Variants in CENPO observed in about 807,000 individuals in gnomAD.
CENPO encodes the protein centromeric protein O.
CENPO carries 30 observed loss-of-function variants against 36.1 expected under a neutral mutation model. The observed-to-expected ratio is 0.83, with a 90% CI of 0.62 to 1.13. CENPO has a LOEUF of 1.13. CENPO is among the 50% of genes most tolerant of loss of function. CENPO has a pLI of 0.00. For synonymous variants in CENPO, 171 were observed against 142.3 expected (o/e 1.20, Z -1.44); for missense variants, 349 against 357.8 (o/e 0.98, Z 0.20).
At position 24,821,505 on chromosome 2, in the gene CENPO, G is replaced by A. The variant is rs138929956; in HGVS notation, c.*2187G>A. 450 of 1,613,394 alleles carry A rather than the reference G, an allele frequency of 2.8e-4. 1 individual carries two copies. The African/African-American group carries it at 5.3e-3, about 19-fold the overall frequency. ...GAGCCTGCTGCGGGGCAGGCCAGCTGGGGGTGCTCACCTATGCGCAGCATG... is the reference window on the plus strand; with the variant it reads ...GAGCCTGCTGCGGGGCAGGCCAGCTAGGGGTGCTCACCTATGCGCAGCATG... On this transcript the variant is annotated 3_prime_UTR_variant, in exon 8 of 8. Coordinates refer to ENST00000380834, the MANE Select transcript of CENPO (RefSeq NM_001322101.2).
chr2:24,809,293 A>G (rs967104148), intron 3 of CENPO, among the ~76,000 whole-genome samples: 1 of 151,688 alleles, frequency 6.6e-6, no homozygotes, highest in African/African-American at 2.4e-5. Flanking sequence ...CAAAGAACCA[A>G]CTTTTGGCTT....
At chr2:24,817,465 C>CAAAAAAAAAAAAAAAAAAA in intron 6 of CENPO, among the ~76,000 whole-genome samples, 1 of 12,354 alleles carries the variant, frequency 8.1e-5, no homozygotes, top group African/African-American at 1.4e-4. Context: ...TTAGTCCAGA[C>CAAAAAAAAAAAAAAAAAAA]CAAAAAAAAA....
intron 6 of CENPO, 23 bp downstream of exon 6, chr2:24,816,840 G>C (rs1360555113): frequency 7.7e-6 from 12 of 1,558,770 alleles, no homozygotes; most frequent in Non-Finnish European, 8.7e-6. Flanking sequence ...CCTCAGTGCA[G>C]AAATTCTCAT....
rs2148722947 is a variant in CENPO at position 24,794,112 on chromosome 2, A to G, written c.46+147A>G. ...GAACTAACATTGAAGACAAAGGGAC[A>G]GGCAGCCAAGATTATTCGAGGAGGA... On this transcript the variant is annotated intron_variant, in intron 2 of 7. Transcript: ENST00000380834. The G allele has an allele frequency of 4.2e-6, 3 of 705,948 alleles. No individual in the cohort carries two copies. In the East Asian group the frequency reaches 8.0e-5, roughly 19 times the overall value. The allele number at this position is 705,948 out of a possible 1,614,324, so 43.7% of individuals were successfully genotyped here.
At chr2:24,817,466 C>CAAAAAAAAAAAA (rs57556645) in intron 6 of CENPO, among the ~76,000 whole-genome samples, 2 of 110,084 alleles carry the variant, frequency 1.8e-5, no homozygotes, top group African/African-American at 8.7e-5. Context: ...TAGTCCAGAC[C>CAAAAAAAAAAAA]AAAAAAAAAA....
In CENPO at chr2:24,820,701, G is replaced by A. The variant is rs780275875; in HGVS notation, c.*1383G>A. The A allele has an allele frequency of 1.2e-6, 2 of 1,613,532 alleles. No individual in the cohort carries two copies. Among genetic ancestry groups the A allele is most frequent in the South Asian group, 2.2e-5 (2 of 91,022 alleles). On this transcript the variant is annotated 3_prime_UTR_variant, in exon 8 of 8. Coordinates refer to ENST00000380834, the MANE Select transcript of CENPO (RefSeq NM_001322101.2). ...GTTCTCATGCCGAGTCTGAGCACGT[G>A]CCAGCTGTGCCACTGGACATACCTG... is the stretch of plus-strand genomic sequence containing the variant.
chr2:24,795,260 T>C (rs1036510975), intron 2 of CENPO, among the ~76,000 whole-genome samples: 2 of 152,208 alleles, frequency 1.3e-5, no homozygotes, highest in African/African-American at 4.8e-5. Flanking sequence ...ATACTGGTTT[T>C]ATCCCTCTGC....
At chr2:24,795,494 C>A (rs182336275) in intron 2 of CENPO, among the ~76,000 whole-genome samples, 1 of 152,210 alleles carries the variant, frequency 6.6e-6, no homozygotes, top group East Asian at 1.9e-4. Flanking sequence ...CAACGCTAAA[C>A]AACAACGCTA....
chr2:24,817,420 G>T (rs1231471099), intron 6 of CENPO, among the ~76,000 whole-genome samples: 1 of 145,978 alleles, frequency 6.9e-6, no homozygotes, highest in Non-Finnish European at 1.5e-5. Flanking sequence ...CCAGTCCCCA[G>T]TCTCTAGATT....
chr2:24,820,164 C>A lies in CENPO; in HGVS notation c.*846C>A. 1 of 1,039,148 alleles carries A rather than the reference C, an allele frequency of 9.6e-7. No individual in the cohort carries two copies. Among genetic ancestry groups the A allele is most frequent in the Non-Finnish European group, 1.3e-6 (1 of 745,462 alleles). The allele number at this position is 1,039,148 out of a possible 1,614,324, so 64.4% of individuals were successfully genotyped here. A position where few individuals can be genotyped will look rare whatever the true frequency, so the allele number is the denominator to read the frequency against. On this transcript the variant is annotated 3_prime_UTR_variant, in exon 8 of 8. Coordinates refer to ENST00000380834, the MANE Select transcript of CENPO (RefSeq NM_001322101.2). ...CGTGGCGTTACGGGGGGAGCCTAGA[C>A]TGAGGGCGGGTGGGGGCTTTGGGTG... is the stretch of plus-strand genomic sequence containing the variant.
chr2:24,815,141 G>C (rs1666879880), intron 4 of CENPO, among the ~76,000 whole-genome samples: 1 of 151,404 alleles, frequency 6.6e-6, no homozygotes, highest in Non-Finnish European at 1.5e-5. Context: ...GGGAGGCTGA[G>C]ATGGGAGGAT....
chr2:24,820,751 C>T lies in CENPO; in HGVS notation c.*1433C>T. Reference sequence around the variant, plus strand: ...GAATGTTGCCCATGACCCCCGTGGACTCCATCCTGCTGGCTACATTGACTG... The same window carrying T: ...GAATGTTGCCCATGACCCCCGTGGATTCCATCCTGCTGGCTACATTGACTG... On this transcript the variant is annotated 3_prime_UTR_variant, in exon 8 of 8. Coordinates refer to ENST00000380834, the MANE Select transcript of CENPO (RefSeq NM_001322101.2). 2 of 1,614,124 alleles carry T rather than the reference C, an allele frequency of 1.2e-6. No homozygotes were observed. Among genetic ancestry groups the T allele is most frequent in the African/African-American group, 1.3e-5 (1 of 75,030 alleles).
intron 3 of CENPO, among the ~76,000 whole-genome samples, chr2:24,813,500 G>A (rs1434372629): frequency 6.6e-6 from 1 of 152,060 alleles, no homozygotes; most frequent in African/African-American, 2.4e-5. Context: ...TCCACATTTT[G>A]TTCTAGCAAA....
At chr2:24,796,279 G>C (rs1191728371) in intron 2 of CENPO, among the ~76,000 whole-genome samples, 1 of 152,094 alleles carries the variant, frequency 6.6e-6, no homozygotes, top group Non-Finnish European at 1.5e-5. Flanking sequence ...GCTTGAACCT[G>C]GGAGGTAGAG....
intron 3 of CENPO, among the ~76,000 whole-genome samples, chr2:24,813,109 G>A (rs1397574673): frequency 6.6e-6 from 1 of 151,930 alleles, no homozygotes; most frequent in African/African-American, 2.4e-5. Context: ...AGCGAGGCGT[G>A]GTGGCGCACA....
chr2:24,806,265 G>A (rs890309417), intron 3 of CENPO, among the ~76,000 whole-genome samples: 9 of 152,346 alleles, frequency 5.9e-5, no homozygotes, highest in South Asian at 2.1e-4. Flanking sequence ...GACCCCTTGC[G>A]CTTCCTGGGT....
At chr2:24,817,935 C>A (rs916451780) in intron 7 of CENPO, 94 bp downstream of exon 7, 2 of 1,006,356 alleles carry the variant, frequency 2.0e-6, no homozygotes, top group South Asian at 1.7e-5. Flanking sequence ...CCTACCTGTT[C>A]ATCTGGATGG....
chr2:24,815,655 G>T lies in CENPO; in HGVS notation c.493G>T (p.Ala165Ser), dbSNP rs1666907614. ...AGTCTTCATTCCCCTGGAAGAGATAGCTGCAAAATATTTACAGACCAACAT... is the reference window on the plus strand; with the variant it reads ...AGTCTTCATTCCCCTGGAAGAGATATCTGCAAAATATTTACAGACCAACAT... ...VPVFIPLEEI[A>S]AKYLQTNIQH... The change falls in exon 5 of 8, where the codon GCT (alanine) becomes TCT (serine). Residue 165 changes from alanine to serine, a missense_variant. Transcript: ENST00000380834. The T allele has an allele frequency of 1.2e-5, 20 of 1,614,012 alleles. No homozygotes were observed. The highest frequency in any genetic ancestry group is 1.6e-5 in the Non-Finnish European group (19 of 1,180,000).
At position 24,813,138 on chromosome 2, in the gene CENPO, C is replaced by T. The variant is rs368348181; in HGVS notation, c.217-1238C>T. Among the ~76,000 whole-genome samples the T allele has an allele frequency of 2.1e-4, 32 of 151,954 alleles. No homozygotes were observed. In the South Asian group the frequency reaches 6.2e-3, roughly 30 times the overall value. On this transcript the variant is annotated intron_variant, in intron 3 of 7. Coordinates refer to ENST00000380834, the MANE Select transcript of CENPO (RefSeq NM_001322101.2). ...GCGCACACCTGTAATCCCAGCTACTCGGGAGGCTGAGGGAGGAGAATGGCT... is the reference window on the plus strand; with the variant it reads ...GCGCACACCTGTAATCCCAGCTACTTGGGAGGCTGAGGGAGGAGAATGGCT...
Sources: allele counts gnomAD v4.1 joint callset (sites outside exome capture counted in the v4.1 genomes callset), GRCh38; gene constraint gnomAD v4.1.1; transcripts MANE v1.5; gene names NCBI Gene and HGNC (gene_info 2026-07-23, HGNC 2026-07-21).